Variants in ANK1 observed in about 807,000 individuals in gnomAD.
ANK1 encodes the protein ankyrin 1, also known as ankyrin-1.
A neutral mutation model predicts 210.4 loss-of-function variants in ANK1; 51 were observed. The ratio of observed to expected loss-of-function variants is 0.24; its 90% CI spans 0.19 to 0.31. ANK1 has a LOEUF of 0.31. Among genes scored for constraint, ANK1 ranks in the 10% least tolerant of loss-of-function variants. The pLI is 1.00. For missense variants in ANK1, 2,051 were observed against 2,504.4 expected (o/e 0.82, Z 3.86); for synonymous variants, 967 against 1,025.9 (o/e 0.94, Z 1.10).
At chr8:41,895,330 GA>G (rs879802072) in intron 1 of ANK1, among the ~76,000 whole-genome samples, 24,467 of 152,096 alleles carry the variant, frequency 0.16, 2,504 homozygotes, top group East Asian at 0.4. Context: ...CCTGAATCCA[GA>G]GTTCAGCATC....
intron 39 of ANK1, among the ~76,000 whole-genome samples, chr8:41,666,535 A>G (rs1000363189): frequency 6.6e-6 from 1 of 152,238 alleles, no homozygotes; most frequent in African/African-American, 2.4e-5. Flanking sequence ...TTTCCTCCTA[A>G]GTCCTCAGAG....
intron 1 of ANK1, among the ~76,000 whole-genome samples, chr8:41,760,431 G>A (rs1470313570): frequency 2.6e-5 from 4 of 152,176 alleles, no homozygotes; most frequent in Admixed American, 6.5e-5. Context: ...CTTCTGCCAT[G>A]ATTGTAAGGC....
chr8:41,856,464 C>G (rs1202145626), intron 1 of ANK1, among the ~76,000 whole-genome samples: 2 of 152,180 alleles, frequency 1.3e-5, no homozygotes, highest in Non-Finnish European at 2.9e-5. Flanking sequence ...ATTCGAATCC[C>G]AGTTCTTCAT....
chr8:41,880,258 G>A (rs1360410677), intron 1 of ANK1, among the ~76,000 whole-genome samples: 2 of 152,148 alleles, frequency 1.3e-5, no homozygotes, highest in African/African-American at 2.4e-5. Flanking sequence ...ACGCTCCGCC[G>A]GCGGAGCTGA....
At chr8:41,872,490 AC>A (rs972740294) in intron 1 of ANK1, among the ~76,000 whole-genome samples, 1 of 152,052 alleles carries the variant, frequency 6.6e-6, no homozygotes. Flanking sequence ...CCAATTCCAG[AC>A]CCCCAGCTTC....
intron 1 of ANK1, among the ~76,000 whole-genome samples, chr8:41,882,925 T>C (rs1301589833): frequency 6.6e-6 from 1 of 152,198 alleles, no homozygotes; most frequent in Non-Finnish European, 1.5e-5. Flanking sequence ...ACAGACACCA[T>C]TCTGCCCCCT....
intron 1 of ANK1, among the ~76,000 whole-genome samples, chr8:41,781,032 T>G (rs1367819627): frequency 6.6e-6 from 1 of 152,126 alleles, no homozygotes; most frequent in Non-Finnish European, 1.5e-5. Context: ...AGAAAACTTG[T>G]AAAATCCTCA....
In ANK1 at chr8:41,699,487, C is replaced by G. The variant is rs773899817; in HGVS notation, c.2523G>C (p.Lys841Asn). The change falls in exon 23 of 43, where the codon AAG becomes AAC. Residue 841 changes from lysine to asparagine, a missense_variant. By Grantham distance (94) the Lys-to-Asn change is moderately conservative. Transcript: ENST00000289734. ...GCTTCGGCACAAAATCCAGCAGCTC[C>G]TTCTCTTCATCAACATCCCTGGAAT... Reference protein sequence around the residue: ...RRDSRDVDEEKELLDFVPKLD... With the variant: ...RRDSRDVDEENELLDFVPKLD... The G allele has an allele frequency of 6.2e-7, 1 of 1,614,176 alleles. No homozygotes were observed. Among genetic ancestry groups the G allele is most frequent in the African/African-American group, 1.3e-5 (1 of 75,068 alleles).
intron 9 of ANK1, among the ~76,000 whole-genome samples, chr8:41,721,654 C>A (rs1010155204): frequency 2.4e-5 from 2 of 81,748 alleles, no homozygotes; most frequent in African/African-American, 1.0e-4. Context: ...GAGACTTCAT[C>A]TCAAAAAAAA....
intron 1 of ANK1, among the ~76,000 whole-genome samples, chr8:41,762,591 G>A (rs1325282622): frequency 6.6e-6 from 1 of 152,138 alleles, no homozygotes; most frequent in Admixed American, 6.5e-5. Flanking sequence ...TGTGGGGCAG[G>A]AAATATTTCA....
At chr8:41,880,209 C>T (rs1045102970) in intron 1 of ANK1, among the ~76,000 whole-genome samples, 1 of 152,144 alleles carries the variant, frequency 6.6e-6, no homozygotes, top group African/African-American at 2.4e-5. Flanking sequence ...TGGAATATGG[C>T]CATGCTCGTT....
intron 1 of ANK1, among the ~76,000 whole-genome samples, chr8:41,769,592 C>G (rs1445179551): frequency 6.6e-6 from 1 of 152,154 alleles, no homozygotes; most frequent in Non-Finnish European, 1.5e-5. Flanking sequence ...GCACAATGAA[C>G]TGAAAGAGAT....
chr8:41,678,857 C>A (rs943763888), intron 37 of ANK1, among the ~76,000 whole-genome samples: 2 of 152,198 alleles, frequency 1.3e-5, no homozygotes, highest in African/African-American at 4.8e-5. Context: ...TATCTCGGCT[C>A]ACTGCCACCT....
intron 1 of ANK1, among the ~76,000 whole-genome samples, chr8:41,888,933 A>T (rs1224117555): frequency 2.0e-5 from 3 of 152,242 alleles, no homozygotes; most frequent in South Asian, 2.1e-4. Flanking sequence ...CCTCTGCCTG[A>T]GGTTACTTCC....
At chr8:41,661,327 C>G (rs1808050124) in intron 42 of ANK1, 103 bp downstream of exon 42, 1 of 1,501,882 alleles carries the variant, frequency 6.7e-7, no homozygotes, top group Non-Finnish European at 9.0e-7. Flanking sequence ...AGTTGTTTGT[C>G]CCACATCATG....
chr8:41,873,531 T>A (rs1192715830), intron 1 of ANK1, among the ~76,000 whole-genome samples: 1 of 152,200 alleles, frequency 6.6e-6, no homozygotes, highest in Non-Finnish European at 1.5e-5. Context: ...CAGGCTGTGG[T>A]TACAAGTGGT....
intron 1 of ANK1, among the ~76,000 whole-genome samples, chr8:41,817,985 G>A (rs541479333): frequency 9.2e-5 from 14 of 152,194 alleles, no homozygotes; most frequent in South Asian, 2.1e-4. Flanking sequence ...GTTTCTGTCC[G>A]GCCACATTCT....
chr8:41,665,501 A>C (rs994032560), intron 39 of ANK1: 1 of 344,214 alleles, frequency 2.9e-6, no homozygotes, highest in Non-Finnish European at 5.7e-6. Context: ...CATGGGAACT[A>C]GAAAGAGTTC....
chr8:41,875,166 C>T (rs1244744626), intron 1 of ANK1, among the ~76,000 whole-genome samples: 1 of 152,220 alleles, frequency 6.6e-6, no homozygotes, highest in African/African-American at 2.4e-5. Context: ...GCCCTCCTGT[C>T]CTGTTCCTCC....
Sources: allele counts gnomAD v4.1 joint callset (sites outside exome capture counted in the v4.1 genomes callset), GRCh38; gene constraint gnomAD v4.1.1; transcripts MANE v1.5; gene names NCBI Gene and HGNC (gene_info 2026-07-23, HGNC 2026-07-21).